Variants in TBC1D5 observed in about 807,000 individuals in gnomAD.
TBC1D5 encodes TBC1 domain family member 5.
In TBC1D5, 75 loss-of-function variants were observed where a neutral mutation model predicts 100.3. The ratio of observed to expected loss-of-function variants is 0.75; its 90% CI spans 0.62 to 0.91. TBC1D5 has a LOEUF of 0.91. Ranked by LOEUF, TBC1D5 falls within the 40% of genes least tolerant of loss-of-function variation. TBC1D5 has a pLI of 0.00. For synonymous variants in TBC1D5, 323 were observed against 325.6 expected (o/e 0.99, Z 0.09); for missense variants, 910 against 942.4 (o/e 0.97, Z 0.45).
At chr3:17,322,588 T>G (rs927278759) in intron 13 of TBC1D5, among the ~76,000 whole-genome samples, 1 of 152,208 alleles carries the variant, frequency 6.6e-6, no homozygotes, top group Non-Finnish European at 1.5e-5. Context: ...CAAAGCAGAA[T>G]GCATTGCTCT....
At chr3:17,542,348 A>T (rs2096366846) in intron 2 of TBC1D5, among the ~76,000 whole-genome samples, 1 of 152,184 alleles carries the variant, frequency 6.6e-6, no homozygotes, top group African/African-American at 2.4e-5. Context: ...AGATATGTGA[A>T]TGTGGTATCT....
chr3:17,318,333 A>T (rs1259271938), intron 13 of TBC1D5, among the ~76,000 whole-genome samples: 6 of 152,070 alleles, frequency 3.9e-5, no homozygotes, highest in Non-Finnish European at 5.9e-5. Flanking sequence ...CATATGTAAC[A>T]AACCTGCACA....
intron 18 of TBC1D5, among the ~76,000 whole-genome samples, chr3:17,213,573 C>T (rs1302074851): frequency 6.6e-6 from 1 of 151,788 alleles, no homozygotes; most frequent in Non-Finnish European, 1.5e-5. Flanking sequence ...CCAGAGCAGC[C>T]TGGCCAATAT....
intron 18 of TBC1D5, among the ~76,000 whole-genome samples, chr3:17,203,372 G>A (rs1256602903): frequency 6.6e-6 from 1 of 152,170 alleles, no homozygotes; most frequent in Non-Finnish European, 1.5e-5. Flanking sequence ...GCTCATAGGT[G>A]GAAGGGACTT....
intron 13 of TBC1D5, among the ~76,000 whole-genome samples, chr3:17,316,373 T>C (rs180816358): frequency 3.9e-4 from 59 of 152,280 alleles, no homozygotes; most frequent in Admixed American, 3.9e-3. Context: ...TAGAGAGAAG[T>C]TGCAGACCCC....
chr3:17,654,087 T>G (rs112099875), intron 1 of TBC1D5, among the ~76,000 whole-genome samples: 13 of 152,084 alleles, frequency 8.5e-5, no homozygotes, highest in African/African-American at 1.2e-4. Context: ...TAAACTAGTA[T>G]TGACATTTTC....
At chr3:17,664,777 AAAC>A (rs1241887040) in intron 1 of TBC1D5, among the ~76,000 whole-genome samples, 2 of 152,202 alleles carry the variant, frequency 1.3e-5, no homozygotes, top group Non-Finnish European at 2.9e-5. Context: ...TCCTGAATAT[AAAC>A]AACAGACATA....
intron 1 of TBC1D5, among the ~76,000 whole-genome samples, chr3:17,700,765 C>T (rs2153876264): frequency 6.6e-6 from 1 of 152,240 alleles, no homozygotes; most frequent in East Asian, 1.9e-4. Flanking sequence ...AAATGCAAAG[C>T]AAAACCACAA....
At chr3:17,742,543 TTC>T (rs1156890556), upstream of TBC1D5, 6 of 152,660 alleles carry the variant, frequency 3.9e-5, no homozygotes, top group Non-Finnish European at 7.3e-5. Flanking sequence ...CCCCTCCTCT[TTC>T]TCTCTCTCTC....
chr3:17,523,678 G>A lies in TBC1D5; in HGVS notation c.-35-15073C>T, dbSNP rs1395008712. On this transcript the variant is annotated intron_variant, in intron 2 of 21. Coordinates refer to ENST00000253692, the Ensembl canonical transcript of TBC1D5. ...CAAAACAGACATATAAAATTATATC[G>A]TATGAAATGCAAATTATTAACAATA... Among the ~76,000 whole-genome samples the A allele has an allele frequency of 3.9e-5, 6 of 152,060 alleles. No individual in the cohort carries two copies. In the South Asian group the frequency reaches 6.2e-4, roughly 16 times the overall value.
chr3:17,634,563 G>C (rs886437874), intron 1 of TBC1D5, among the ~76,000 whole-genome samples: 1 of 151,170 alleles, frequency 6.6e-6, no homozygotes, highest in African/African-American at 2.4e-5. Flanking sequence ...TAGAAAAATG[G>C]TTACCAGAGG....
intron 2 of TBC1D5, among the ~76,000 whole-genome samples, chr3:17,620,889 C>T (rs1018117931): frequency 1.3e-5 from 2 of 151,974 alleles, no homozygotes; most frequent in Admixed American, 1.3e-4. Context: ...AAAGAAAGAA[C>T]TAAGTAATTA....
At chr3:17,328,288 A>C in intron 13 of TBC1D5, among the ~76,000 whole-genome samples, 1 of 149,488 alleles carries the variant, frequency 6.7e-6, no homozygotes, top group Non-Finnish European at 1.5e-5. Context: ...AAAAAAAAAA[A>C]AGTCCTTTAA....
intron 13 of TBC1D5, among the ~76,000 whole-genome samples, chr3:17,364,945 T>C (rs1309935604): frequency 1.3e-5 from 2 of 152,188 alleles, no homozygotes; most frequent in Non-Finnish European, 2.9e-5. Context: ...CATAAACATC[T>C]TTTATGAGCA....
chr3:17,384,037 T>C (rs543658718), intron 8 of TBC1D5, 22 bp from the exon 9 acceptor site: 65 of 1,579,262 alleles, frequency 4.1e-5, no homozygotes, highest in East Asian at 3.2e-4. Context: ...AAATACAAGA[T>C]TGAAACTGAC....
At chr3:17,548,315 AAAACAAACAAAC>A (rs751174263) in intron 2 of TBC1D5, among the ~76,000 whole-genome samples, 1 of 152,166 alleles carries the variant, frequency 6.6e-6, no homozygotes. Context: ...CTCGGTCTCA[AAAACAAACAAAC>A]AAACAAACAA....
chr3:17,556,755 A>T (rs2096524878), intron 2 of TBC1D5, among the ~76,000 whole-genome samples: 1 of 152,250 alleles, frequency 6.6e-6, no homozygotes, highest in Non-Finnish European at 1.5e-5. Context: ...TCCATAAATG[A>T]TTGTTATACA....
chr3:17,697,829 G>A (rs1439151919), intron 1 of TBC1D5, among the ~76,000 whole-genome samples: 2 of 151,988 alleles, frequency 1.3e-5, no homozygotes, highest in African/African-American at 4.8e-5. Flanking sequence ...CAAAGCTGTA[G>A]GCATCACACT....
At chr3:17,172,639 T>G (rs1047790475) in intron 19 of TBC1D5, among the ~76,000 whole-genome samples, 1 of 152,214 alleles carries the variant, frequency 6.6e-6, no homozygotes, top group African/African-American at 2.4e-5. Flanking sequence ...CTGTGGAAAT[T>G]ACACACAAAA....
Sources: allele counts gnomAD v4.1 joint callset (sites outside exome capture counted in the v4.1 genomes callset), GRCh38; gene constraint gnomAD v4.1.1; transcripts MANE v1.5; gene names NCBI Gene and HGNC (gene_info 2026-07-23, HGNC 2026-07-21).